Variants in ORC4 observed in about 807,000 individuals in gnomAD.
ORC4 encodes the protein origin recognition complex, subunit 4 homolog.
ORC4 carries 55 observed loss-of-function variants against 63.9 expected under a neutral mutation model. That is an observed-to-expected ratio of 0.86 (90% CI 0.69 to 1.08). The LOEUF (loss-of-function observed/expected upper bound fraction) is 1.08, where lower values mean the gene tolerates loss of function less well. Ranked by LOEUF, ORC4 falls within the 50% of genes least tolerant of loss-of-function variation. The pLI is 0.00. For missense variants in ORC4, 511 were observed against 504.4 expected (o/e 1.01, Z -0.13); for synonymous variants, 150 against 168.5 (o/e 0.89, Z 0.85).
At position 147,952,464 on chromosome 2, in the gene ORC4, T is replaced by G; in HGVS notation, c.497A>C (p.His166Pro). 6.2e-7 allele frequency: 1 copy of G among 1,611,802 alleles called. No homozygotes were observed. Among genetic ancestry groups the G allele is most frequent in the Non-Finnish European group, 8.5e-7 (1 of 1,177,944 alleles). ...ATAGAGAAGTGTTTGGTTTTTATGATGAGCAAAAAGATCAAATTCATCTAA... is the reference window on the plus strand; with the variant it reads ...ATAGAGAAGTGTTTGGTTTTTATGAGGAGCAAAAAGATCAAATTCATCTAA... ...FILDEFDLFA[H>P]HKNQTLLYNL... The change falls in exon 8 of 14, where the codon CAT becomes CCT. Residue 166 changes from histidine (H) to proline (P), a missense_variant. By Grantham distance (77) the His-to-Pro change is moderately conservative. Transcript: ENST00000392857.
intron 8 of ORC4, among the ~76,000 whole-genome samples, 197 bp downstream of exon 8, chr2:147,952,176 G>C (rs1361774888): frequency 6.6e-6 from 1 of 152,062 alleles, no homozygotes; most frequent in Non-Finnish European, 1.5e-5. Context: ...GGAGGAGGGA[G>C]GTATTCATTA....
rs746640948 is a variant in ORC4 at position 147,952,438 on chromosome 2, T to G, written c.523A>C (p.Asn175His). 6 of 1,610,508 alleles carry G rather than the reference T, an allele frequency of 3.7e-6. No individual in the cohort carries two copies. The highest frequency in any genetic ancestry group is 5.1e-6 in the Non-Finnish European group (6 of 1,176,844). Residue 175 changes from asparagine to histidine, a missense_variant, in exon 8 of 14, where the codon AAT becomes CAT. By Grantham distance (68) the Asn-to-His change is moderately conservative. Transcript: ENST00000392857. The part of the protein sequence containing the change: ...AHHKNQTLLY[N>H]LFDISQSAQT... ...GCAGACTGAGAAATGTCAAAAAGATTATAGAGAAGTGTTTGGTTTTTATGA... is the reference window on the plus strand; with the variant it reads ...GCAGACTGAGAAATGTCAAAAAGATGATAGAGAAGTGTTTGGTTTTTATGA...
chr2:147,934,775 A>G lies in ORC4; in HGVS notation c.*735T>C, dbSNP rs891166019. ...AAAAGGTACAGTAAAAATATGGTATAATCTTATGAGACCACCCTTTATACA... is the reference window on the plus strand; with the variant it reads ...AAAAGGTACAGTAAAAATATGGTATGATCTTATGAGACCACCCTTTATACA... On this transcript the variant is annotated 3_prime_UTR_variant, in exon 14 of 14. Transcript: ENST00000392857. 2.6e-5 allele frequency: 4 copies of G among 152,174 alleles called. No homozygotes were observed. The East Asian group carries it at 7.7e-4, about 29-fold the overall frequency. The allele number at this position is 152,174 out of a possible 1,614,324, so 9.4% of individuals were successfully genotyped here.
At chr2:147,973,402 C>CATCT in intron 3 of ORC4, 46 bp downstream of exon 3, 1 of 1,107,498 alleles carries the variant, frequency 9.0e-7, no homozygotes, top group Non-Finnish European at 1.4e-6. Context: ...ACCTGGAAGG[C>CATCT]ATCTGTAAGT....
chr2:147,941,462 AGC>A (rs1379972216), intron 10 of ORC4, among the ~76,000 whole-genome samples: 3 of 152,058 alleles, frequency 2.0e-5, no homozygotes, highest in African/African-American at 7.2e-5. Flanking sequence ...GATACCATCA[AGC>A]ATAATCTTTA....
intron 1 of ORC4, among the ~76,000 whole-genome samples, chr2:148,015,110 G>C (rs1032021050): frequency 6.8e-6 from 1 of 146,792 alleles, no homozygotes; most frequent in African/African-American, 2.5e-5. Context: ...CACTTGACTA[G>C]GAGAAAAAAA....
intron 13 of ORC4, among the ~76,000 whole-genome samples, chr2:147,937,713 A>G (rs1054444892): frequency 1.4e-4 from 22 of 152,186 alleles, no homozygotes; most frequent in African/African-American, 4.8e-4. Context: ...GAAGTCCTGA[A>G]GTTGTAAAAC....
intron 1 of ORC4, among the ~76,000 whole-genome samples, chr2:148,001,218 T>C (rs1157534959): frequency 6.6e-6 from 1 of 152,146 alleles, no homozygotes; most frequent in African/African-American, 2.4e-5. Flanking sequence ...CTGTTTTTAA[T>C]CATAAGCTAT....
At chr2:148,021,131 G>A (rs1389630104), upstream of ORC4, 1 of 151,818 alleles carries the variant, frequency 6.6e-6, no homozygotes, top group Non-Finnish European at 1.5e-5. Context: ...TGATGATGAA[G>A]AGAGAGGCAG....
At chr2:147,968,401 G>A (rs1360769004) in intron 4 of ORC4, among the ~76,000 whole-genome samples, 1 of 151,842 alleles carries the variant, frequency 6.6e-6, no homozygotes. Context: ...CATCTCATAG[G>A]GATTCATATC....
At chr2:148,002,534 G>A (rs1306634612) in intron 1 of ORC4, among the ~76,000 whole-genome samples, 1 of 152,038 alleles carries the variant, frequency 6.6e-6, no homozygotes, top group Non-Finnish European at 1.5e-5. Flanking sequence ...ACAAAATTAA[G>A]GCAGAAATAA....
chr2:147,958,339 T>C lies in ORC4; in HGVS notation c.346A>G (p.Arg116Gly). 1.2e-6 allele frequency: 2 copies of C among 1,612,522 alleles called. No individual in the cohort carries two copies. Among genetic ancestry groups the C allele is most frequent in the Non-Finnish European group, 1.7e-6 (2 of 1,178,906 alleles). ...ACTACATTTTCCAGATTTAACTGCCTTGTGATTTCCTTTAGGGCGATTTTG... is the reference window on the plus strand; with the variant it reads ...ACTACATTTTCCAGATTTAACTGCCCTGTGATTTCCTTTAGGGCGATTTTG... ...NDKIALKEIT[R>G]QLNLENVVGD... The change falls in exon 6 of 14, where the codon AGG becomes GGG. Residue 116 changes from arginine (R) to glycine (G), a missense_variant. Physicochemically the swap from Arg to Gly is moderately radical, Grantham distance 125 (BLOSUM62 -2). Coordinates refer to ENST00000392857, the MANE Select transcript of ORC4 (RefSeq NM_181741.4).
intron 1 of ORC4, among the ~76,000 whole-genome samples, chr2:148,013,744 TA>T (rs904832838): frequency 6.6e-6 from 1 of 152,116 alleles, no homozygotes; most frequent in Non-Finnish European, 1.5e-5. Flanking sequence ...TGAGTTAAGT[TA>T]AAAAAATTTT....
At chr2:148,012,332 CA>C (rs1398905843) in intron 1 of ORC4, among the ~76,000 whole-genome samples, 1 of 152,064 alleles carries the variant, frequency 6.6e-6, no homozygotes, top group African/African-American at 2.4e-5. Context: ...ACTAAGGTGC[CA>C]AAAACACTCA....
At position 148,018,022 on chromosome 2, in the gene ORC4, C is replaced by T. The variant is rs550707765; in HGVS notation, c.-18+2611G>A. 2.4e-3 allele frequency among the ~76,000 whole-genome samples: 359 copies of T among 152,228 alleles called. 2 individuals are homozygous for T. Among genetic ancestry groups the T allele is most frequent in the Non-Finnish European group, 4.1e-3 (278 of 68,018 alleles). ...GTTGCCATCCCAGAAGAGAGTAATG[C>T]TCCAAGCACAGAGAAGATATTGGCC... On this transcript the variant is annotated intron_variant, in intron 1 of 13. Coordinates refer to ENST00000392857, the MANE Select transcript of ORC4 (RefSeq NM_181741.4).
chr2:148,007,155 T>C (rs1329303369), intron 1 of ORC4, among the ~76,000 whole-genome samples: 1 of 151,956 alleles, frequency 6.6e-6, no homozygotes, highest in Admixed American at 6.6e-5. Context: ...CCCTGGAGAG[T>C]GACAGGAATG....
At chr2:147,947,932 G>A in intron 9 of ORC4, 119 bp downstream of exon 9, 2 of 791,354 alleles carry the variant, frequency 2.5e-6, no homozygotes, top group South Asian at 3.0e-5. Flanking sequence ...TATTACTGCA[G>A]CATTATCCTT....
chr2:147,989,445 C>T (rs1161182131), intron 1 of ORC4, among the ~76,000 whole-genome samples: 1 of 152,102 alleles, frequency 6.6e-6, no homozygotes, highest in Non-Finnish European at 1.5e-5. Context: ...GTGGCTCACA[C>T]CTGTTATACC....
chr2:147,972,868 G>C, intron 3 of ORC4, 39 bp from the exon 4 acceptor site: 6 of 1,305,622 alleles, frequency 4.6e-6, no homozygotes, highest in African/African-American at 1.5e-5. Context: ...TAAAAATGAA[G>C]CTGGAATACT....
Sources: allele counts gnomAD v4.1 joint callset (sites outside exome capture counted in the v4.1 genomes callset), GRCh38; gene constraint gnomAD v4.1.1; transcripts MANE v1.5; gene names NCBI Gene and HGNC (gene_info 2026-07-23, HGNC 2026-07-21).